The following TENM1 variants were observed in gnomAD, a reference collection of about 807,000 sequenced individuals.
TENM1 encodes teneurin-1.
Under a neutral mutation model 174.8 loss-of-function variants are expected in TENM1, and 35 were observed. That is an observed-to-expected ratio of 0.20 (90% CI 0.15 to 0.27). TENM1 has a LOEUF of 0.27. Ranked by LOEUF, TENM1 falls within the 10% of genes least tolerant of loss-of-function variation. The probability of loss-of-function intolerance (pLI) is 1.00; values close to 1 mark genes in which losing one functional copy is unlikely to be tolerated. For missense variants in TENM1, 1,633 were observed against 2,130.1 expected, an observed-to-expected ratio of 0.77 and a Z score of 4.59; for synonymous variants, 781 against 798.7, an observed-to-expected ratio of 0.98 and a Z score of 0.37.
At chrX:124,985,332 C>A in the TENM1 span, among the ~76,000 whole-genome samples, 1 of 112,336 alleles carries the variant, frequency 8.9e-6, no homozygotes, top group Non-Finnish European at 1.9e-5. Context: ...CCTGATCCTT[C>A]AATCTTGCTA....
At chrX:125,149,031 G>A in the TENM1 span, among the ~76,000 whole-genome samples, 1 of 111,637 alleles carries the variant, frequency 9.0e-6, no homozygotes, top group Non-Finnish European at 1.9e-5. Flanking sequence ...CTCCTTTGCT[G>A]TCAGGATAAA....
At chrX:124,413,535 C>T (rs766194832) in intron 25 of TENM1, among the ~76,000 whole-genome samples, 34 of 111,941 alleles carry the variant, frequency 3.0e-4, no homozygotes, top group African/African-American at 9.7e-4. Flanking sequence ...CATAGATGTG[C>T]TATGGAGTTC....
chrX:125,103,295 ATTAAT>A, the TENM1 span, among the ~76,000 whole-genome samples: 1 of 111,436 alleles, frequency 9.0e-6, no homozygotes, highest in Non-Finnish European at 1.9e-5. Flanking sequence ...TGGTACCTAA[ATTAAT>A]TTGTCTTCAA....
chrX:125,144,900 G>A, the TENM1 span, among the ~76,000 whole-genome samples: 4 of 109,809 alleles, frequency 3.6e-5, no homozygotes, highest in African/African-American at 1.3e-4. Context: ...CCCCCACCAC[G>A]CCCAGTTAAT....
chrX:124,924,846 T>G (rs779710535), intron 1 of TENM1, among the ~76,000 whole-genome samples: 1 of 110,895 alleles, frequency 9.0e-6, no homozygotes, highest in East Asian at 2.9e-4. Flanking sequence ...CTGTGCACTA[T>G]CGAAGTGGGC....
At chrX:125,174,123 G>GA in the TENM1 span, among the ~76,000 whole-genome samples, 7 of 111,295 alleles carry the variant, frequency 6.3e-5, no homozygotes, top group Admixed American at 3.8e-4. Context: ...TTGGACAGGG[G>GA]ATCCAACCTC....
intron 3 of TENM1, among the ~76,000 whole-genome samples, chrX:124,804,311 T>C (rs932673099): frequency 8.9e-6 from 1 of 112,323 alleles, no homozygotes; most frequent in Non-Finnish European, 1.9e-5. Context: ...TTCCTACACT[T>C]GGTGATTATT....
intron 23 of TENM1, among the ~76,000 whole-genome samples, chrX:124,425,443 T>C (rs939483288): frequency 9.0e-6 from 1 of 111,569 alleles, no homozygotes; most frequent in African/African-American, 3.3e-5. Context: ...TTAGATAAGG[T>C]CATAAGGGTG....
intron 13 of TENM1, among the ~76,000 whole-genome samples, chrX:124,562,501 GAATT>G (rs978167808): frequency 8.0e-5 from 9 of 112,756 alleles, no homozygotes; most frequent in African/African-American, 2.6e-4. Flanking sequence ...AGTGTTTATG[GAATT>G]AATACATGCC....
rs990772467 is a variant in TENM1, at chrX:124,927,224, T to TA, written c.218-30984dup. On this transcript the variant is annotated intron_variant, in intron 1 of 31. Coordinates refer to ENST00000422452, the Ensembl canonical transcript of TENM1. ...TACCTAAAGTCACAGTATGGATAACTAAAAAATCTGGCAATAAACCATAGT... is the reference window on the plus strand; with the variant it reads ...TACCTAAAGTCACAGTATGGATAACTAAAAAAATCTGGCAATAAACCATAGT... Among the ~76,000 whole-genome samples the TA allele has an allele frequency of 8.1e-5, 9 of 111,647 alleles. No homozygotes were observed. In the East Asian group the frequency reaches 8.5e-4, roughly 11 times the overall value.
At position 124,653,802 on chromosome X, in the gene TENM1, AAAATTACACACCATGTT is replaced by A; in HGVS notation, c.1169-36_1169-20del. 3.6e-6 allele frequency: 4 copies of A among 1,124,269 alleles called. No homozygotes were observed. Among genetic ancestry groups the A allele is most frequent in the Non-Finnish European group, 4.9e-6 (4 of 819,769 alleles). 92.7% of individuals were successfully genotyped at this position (1,124,269 alleles called of 1,213,427 possible). A position where few individuals can be genotyped will look rare whatever the true frequency, so the allele number is the denominator to read the frequency against. On this transcript the variant is annotated intron_variant, in intron 6 of 31. Transcript: ENST00000422452. ...TGAAACACTAGTTTTAAAGGTAGAG[AAAATTACACACCATGTT>A]AATCTTAATTTATAAAGCAATGGTT...
rs139633205 is a variant in TENM1, at chrX:124,547,036, A to C, written c.2489T>G (p.Ile830Arg). The C allele has an allele frequency of 9.8e-5, 119 of 1,210,216 alleles. No individual in the cohort carries two copies. In the African/African-American group the frequency reaches 2.0e-3, roughly 21 times the overall value. The change falls in exon 15 of 32, where the codon ATA becomes AGA. Residue 830 changes from isoleucine to arginine, a missense_variant. Ile to Arg is a moderately conservative substitution (Grantham distance 97). Transcript: ENST00000422452. ...TGGTGAGCCCTGGCAGAGAGGACTT[A>C]TATAACAGTTGCTTTGTTGACAACA...
At chrX:124,957,189 GGATGGATA>G (rs1161919065) in intron 1 of TENM1, among the ~76,000 whole-genome samples, 2 of 102,561 alleles carry the variant, frequency 2.0e-5, no homozygotes, top group African/African-American at 8.9e-5. Flanking sequence ...ACAAATGGAC[GGATGGATA>G]GATGGATGGA....
At chrX:125,126,916 A>T in the TENM1 span, among the ~76,000 whole-genome samples, 1 of 111,436 alleles carries the variant, frequency 9.0e-6, no homozygotes, top group East Asian at 2.8e-4. Flanking sequence ...TACACGTCTG[A>T]TTTCAATGTT....
chrX:124,664,933 CAGTAAGGAGAAACT>C (rs1359872297), intron 6 of TENM1, among the ~76,000 whole-genome samples: 2 of 111,423 alleles, frequency 1.8e-5, no homozygotes, highest in Admixed American at 1.9e-4. Flanking sequence ...AGGGTGCTAA[CAGTAAGGAGAAACT>C]GGATCACAAT....
chrX:124,561,714 AACATT>A lies in TENM1; in HGVS notation c.2386_2390del (p.Asn796CysfsTer9). ...TATCTCCACAAAGCATTTCCATGAC[AACATT>A]GCAGCCTGTCCCACTCCAACCCACC... is the stretch of plus-strand genomic sequence containing the variant. On this transcript the variant is annotated frameshift_variant, in exon 14 of 32. Transcript: ENST00000422452. LOFTEE classifies it high-confidence loss of function. 1 of 1,211,223 alleles carries A rather than the reference AACATT, an allele frequency of 8.3e-7. No homozygotes were observed. Among genetic ancestry groups the A allele is most frequent in the Non-Finnish European group, 1.1e-6 (1 of 895,218 alleles).
At chrX:124,992,611 T>C in the TENM1 span, among the ~76,000 whole-genome samples, 1 of 111,137 alleles carries the variant, frequency 9.0e-6, no homozygotes, top group African/African-American at 3.3e-5. Context: ...TTATCTGACC[T>C]ATCTCGGTTG....
intron 3 of TENM1, among the ~76,000 whole-genome samples, chrX:124,813,908 C>T (rs2055839525): frequency 9.0e-6 from 1 of 111,354 alleles, no homozygotes; most frequent in Non-Finnish European, 1.9e-5. Context: ...ATTTCTACCA[C>T]GTGCATGTGC....
In TENM1 at chrX:124,672,318, C is replaced by T. The variant is rs760360112; in HGVS notation, c.1016-483G>A. Among the ~76,000 whole-genome samples, 5 of 111,130 alleles carry T rather than the reference C, an allele frequency of 4.5e-5. No individual in the cohort carries two copies. In the South Asian group the frequency reaches 1.1e-3, roughly 25 times the overall value. On this transcript the variant is annotated intron_variant, in intron 5 of 31. Transcript: ENST00000422452. ...AATAAAGCCCTATGATAGTTGCTGC[C>T]GGTGTTAAAATGTAGATGCTTATTA...
Sources: gnomAD v4.1 joint callset for allele counts (sites outside exome capture counted in the v4.1 genomes callset) on GRCh38, gnomAD v4.1.1 for gene constraint, MANE v1.5 for transcripts, NCBI Gene and HGNC (gene_info 2026-07-23, HGNC 2026-07-21) for gene names.